The following SLC9A7 variants were observed in gnomAD, a reference collection of about 807,000 sequenced individuals.
SLC9A7 encodes sodium/hydrogen exchanger 7.
A neutral mutation model predicts 52.6 loss-of-function variants in SLC9A7; 19 were observed. That is an observed-to-expected ratio of 0.36 (90% CI 0.25 to 0.53). SLC9A7 has a LOEUF of 0.53. Among genes scored for constraint, SLC9A7 ranks in the 20% least tolerant of loss-of-function variants. The probability of loss-of-function intolerance (pLI) is 0.91; values close to 1 mark genes in which losing one functional copy is unlikely to be tolerated. For synonymous variants in SLC9A7, 226 were observed against 252.1 expected (o/e 0.90, Z 0.98); for missense variants, 455 against 597.9 (o/e 0.76, Z 2.49).
intron 1 of SLC9A7, among the ~76,000 whole-genome samples, chrX:46,706,779 G>C (rs1944611638): frequency 9.0e-6 from 1 of 111,668 alleles, no homozygotes; most frequent in African/African-American, 3.3e-5. Flanking sequence ...CTTTTTATTT[G>C]TTCTTTCTTT....
chrX:46,721,513 C>T (rs898845858), intron 1 of SLC9A7, among the ~76,000 whole-genome samples: 5 of 107,109 alleles, frequency 4.7e-5, no homozygotes, highest in Admixed American at 2.0e-4. Context: ...GCAAATGATT[C>T]TTTTTTTTTT....
At chrX:46,661,387 AG>A (rs1466095580) in intron 7 of SLC9A7, among the ~76,000 whole-genome samples, 1 of 110,809 alleles carries the variant, frequency 9.0e-6, no homozygotes, top group Non-Finnish European at 1.9e-5. Context: ...ATAAAAAAAA[AG>A]AAAAAAAAAT....
At position 46,758,686 on chromosome X, in the gene SLC9A7, G is replaced by C; in HGVS notation, c.325+19C>G. ...GGCCGAGGGGTGTGGAGGGCGGGGG[G>C]TGTAACAGGGGTGCTCACCATAGAT... is the stretch of plus-strand genomic sequence containing the variant. On this transcript the variant is annotated intron_variant, in intron 1 of 16. Coordinates refer to ENST00000616978, the MANE Select transcript of SLC9A7 (RefSeq NM_001257291.2). 2.7e-6 allele frequency: 3 copies of C among 1,097,696 alleles called. No homozygotes were observed. The allele number at this position is 1,097,696 out of a possible 1,213,427, so 90.5% of individuals were successfully genotyped here.
chrX:46,671,760 G>C (rs181803025), intron 4 of SLC9A7, among the ~76,000 whole-genome samples: 18 of 111,930 alleles, frequency 1.6e-4, no homozygotes, highest in African/African-American at 5.2e-4. Context: ...TACTATCAAC[G>C]TGACTTACCA....
At chrX:46,647,894 G>C (rs1943518876) in intron 11 of SLC9A7, among the ~76,000 whole-genome samples, 1 of 112,558 alleles carries the variant, frequency 8.9e-6, no homozygotes, top group African/African-American at 3.2e-5. Context: ...GTGCCTTTAA[G>C]GGTCACAGTA....
Position 46,713,976 on chromosome X carries a change from C to T in SLC9A7, c.326-31441G>A, listed in dbSNP as rs1465892120. On this transcript the variant is annotated intron_variant, in intron 1 of 16. Coordinates refer to ENST00000616978, the MANE Select transcript of SLC9A7 (RefSeq NM_001257291.2). ...TTTTTCCTAAACCACAGTTACAATA[C>T]TCTACCTCAATATACTATACTCAAT... 2.7e-5 allele frequency among the ~76,000 whole-genome samples: 3 copies of T among 109,970 alleles called. No homozygotes were observed. In the Admixed American group the frequency reaches 2.9e-4, roughly 11 times the overall value.
chrX:46,652,972 A>G (rs1305345641), intron 8 of SLC9A7, among the ~76,000 whole-genome samples: 1 of 112,755 alleles, frequency 8.9e-6, no homozygotes, highest in Non-Finnish European at 1.9e-5. Context: ...TTTGCAAAAT[A>G]ACATAGCAAT....
At chrX:46,614,790 G>A (rs1188123083) in intron 15 of SLC9A7, among the ~76,000 whole-genome samples, 1 of 111,792 alleles carries the variant, frequency 8.9e-6, no homozygotes, top group African/African-American at 3.3e-5. Context: ...TGGAAAAGGT[G>A]GGGTCTCAGA....
chrX:46,611,178 C>T (rs1942842385), intron 16 of SLC9A7, among the ~76,000 whole-genome samples: 1 of 112,077 alleles, frequency 8.9e-6, no homozygotes, highest in African/African-American at 3.2e-5. Flanking sequence ...AACCATTCAG[C>T]ATTCAGCACA....
intron 15 of SLC9A7, among the ~76,000 whole-genome samples, chrX:46,618,251 TAA>T (rs745567964): frequency 8.1e-4 from 90 of 111,339 alleles, no homozygotes; most frequent in African/African-American, 2.9e-3. Context: ...GAATAAAGGG[TAA>T]AGAGAAAACA....
At position 46,634,175 on chromosome X, in the gene SLC9A7, A is replaced by T. The variant is rs374177934; in HGVS notation, c.1676+1414T>A. On this transcript the variant is annotated intron_variant, in intron 13 of 16. Transcript: ENST00000616978. ...AGCATTCCCCTGATACATCAGGGCT[A>T]AGCTCATAAGAACACAAATGACAGC... 3.6e-5 allele frequency among the ~76,000 whole-genome samples: 4 copies of T among 111,868 alleles called. No individual in the cohort carries two copies. In the South Asian group the frequency reaches 1.5e-3, roughly 41 times the overall value.
At chrX:46,668,717 A>G (rs12846921) in intron 5 of SLC9A7, among the ~76,000 whole-genome samples, 55 of 112,024 alleles carry the variant, frequency 4.9e-4, no homozygotes, top group Non-Finnish European at 7.5e-4. Flanking sequence ...ATAGAGACAG[A>G]AAGTCAAAGG....
chrX:46,723,300 A>G (rs1250303923), intron 1 of SLC9A7, among the ~76,000 whole-genome samples: 2 of 101,842 alleles, frequency 2.0e-5, no homozygotes, highest in Non-Finnish European at 4.0e-5. Flanking sequence ...GATTTCTACA[A>G]AAAAAAAAAA....
chrX:46,737,033 C>T (rs1226979074), intron 1 of SLC9A7, among the ~76,000 whole-genome samples: 1 of 111,903 alleles, frequency 8.9e-6, no homozygotes, highest in African/African-American at 3.2e-5. Context: ...TTTCCTTTCC[C>T]AAGAAAGTAG....
At chrX:46,681,241 T>C (rs1037023113) in intron 2 of SLC9A7, among the ~76,000 whole-genome samples, 3 of 112,468 alleles carry the variant, frequency 2.7e-5, no homozygotes, top group Non-Finnish European at 5.6e-5. Context: ...ACCTGAAAGA[T>C]GGAAATGTGT....
chrX:46,659,339 T>A (rs1943767912), intron 7 of SLC9A7, among the ~76,000 whole-genome samples: 1 of 95,052 alleles, frequency 1.1e-5, no homozygotes, highest in Admixed American at 1.2e-4. Context: ...CTCTCACCAC[T>A]CCTATTCAAC....
intron 13 of SLC9A7, among the ~76,000 whole-genome samples, chrX:46,634,759 T>C (rs1218587576): frequency 8.9e-6 from 1 of 111,911 alleles, no homozygotes; most frequent in African/African-American, 3.3e-5. Context: ...ACAGTACACA[T>C]ACGGGGCCTA....
chrX:46,736,727 A>G (rs1945128055), intron 1 of SLC9A7, among the ~76,000 whole-genome samples: 1 of 110,289 alleles, frequency 9.1e-6, no homozygotes. Flanking sequence ...TTGCCACAAG[A>G]TTTTTCTCAA....
At chrX:46,744,049 GACT>G (rs1921557929) in intron 1 of SLC9A7, among the ~76,000 whole-genome samples, 1 of 112,569 alleles carries the variant, frequency 8.9e-6, no homozygotes, top group Non-Finnish European at 1.9e-5. Context: ...TGCTATCAGA[GACT>G]ACAGCGTCAT....
Sources: gnomAD v4.1 joint callset for allele counts (sites outside exome capture counted in the v4.1 genomes callset) on GRCh38, gnomAD v4.1.1 for gene constraint, MANE v1.5 for transcripts, NCBI Gene and HGNC (gene_info 2026-07-23, HGNC 2026-07-21) for gene names.